USP44: variants seen among roughly 807,000 people sequenced by gnomAD.
USP44 encodes ubiquitin carboxyl-terminal hydrolase 44.
In USP44, 61 loss-of-function variants were observed where a neutral mutation model predicts 69.0. The ratio of observed to expected loss-of-function variants is 0.88; its 90% CI spans 0.72 to 1.09. USP44 has a LOEUF of 1.09. Among genes scored for constraint, USP44 ranks in the 50% least tolerant of loss-of-function variants. The pLI is 0.00. For missense variants in USP44, 753 were observed against 849.9 expected (o/e 0.89, Z 1.42); for synonymous variants, 297 against 295.4 (o/e 1.01, Z -0.06).
rs139376259 is a variant in USP44, at chr12:95,530,004, G to A, written c.1429-1002C>T. On this transcript the variant is annotated intron_variant, in intron 2 of 5. Transcript: ENST00000258499. Reference sequence around the variant, plus strand: ...ACATAGGCAATGTAGCAACCGGAAAGGAAATGAATAGTAACTTCAGTGAAA... The same window carrying A: ...ACATAGGCAATGTAGCAACCGGAAAAGAAATGAATAGTAACTTCAGTGAAA... 2.0e-5 allele frequency among the ~76,000 whole-genome samples: 3 copies of A among 152,244 alleles called. No homozygotes were observed. In the East Asian group the frequency reaches 5.8e-4, roughly 29 times the overall value.
intron 1 of USP44, among the ~76,000 whole-genome samples, chr12:95,536,024 CTTTCCTTTTT>C (rs1282474776): frequency 7.5e-6 from 1 of 133,746 alleles, no homozygotes; most frequent in Admixed American, 7.4e-5. Flanking sequence ...ATGTTTCTTT[CTTTCCTTTTT>C]TTTCCTTTTT....
intron 3 of USP44, among the ~76,000 whole-genome samples, chr12:95,526,284 C>A (rs1439330949): frequency 1.3e-5 from 2 of 152,094 alleles, no homozygotes; most frequent in Non-Finnish European, 2.9e-5. Context: ...TTTAAAAAAA[C>A]CTTATAGGCC....
chr12:95,527,537 T>C (rs1338598762), intron 3 of USP44, among the ~76,000 whole-genome samples: 1 of 152,110 alleles, frequency 6.6e-6, no homozygotes, highest in African/African-American at 2.4e-5. Context: ...CAGGAAGGAG[T>C]GCAGTGGCAC....
intron 3 of USP44, 96 bp downstream of exon 3, chr12:95,528,711 T>C: frequency 7.5e-7 from 1 of 1,337,494 alleles, no homozygotes; most frequent in Non-Finnish European, 1.0e-6. Context: ...AAAAGTTCAT[T>C]TTCATAACTG....
Position 95,518,186 on chromosome 12 carries a change from C to T in USP44, c.2107G>A (p.Ala703Thr), listed in dbSNP as rs374988007. ...LLGSQHPNED[A>T]DTSSNEILS ...AGGATTTCATTAGACGAGGTATCAG[C>T]GTCTTCATTGGGATGTTGGCTCCCC... Residue 703 changes from alanine (A) to threonine (T), a missense_variant, in exon 6 of 6, where the codon GCT becomes ACT. Transcript: ENST00000258499. The T allele has an allele frequency of 2.5e-5, 41 of 1,614,148 alleles. No homozygotes were observed. The highest frequency in any genetic ancestry group is 3.3e-4 in the Middle Eastern group (2 of 6,062).
chr12:95,518,322 T>C lies in USP44; in HGVS notation c.1971A>G (p.Leu657=). The part of the protein sequence containing the change: ...GFWVHCNDSK[L]SMCTMDEVCK... ...ATACTTCATCCATAGTGCACATGCTTAGTTTGGAATCATTGCAGTGTACCC... is the reference window on the plus strand; with the variant it reads ...ATACTTCATCCATAGTGCACATGCTCAGTTTGGAATCATTGCAGTGTACCC... Residue 657 remains leucine, a synonymous_variant, in exon 6 of 6, where the codon CTA becomes CTG. Transcript: ENST00000258499. The C allele has an allele frequency of 6.2e-7, 1 of 1,614,198 alleles. No homozygotes were observed. The highest frequency in any genetic ancestry group is 8.5e-7 in the Non-Finnish European group (1 of 1,180,032).
chr12:95,551,413 C>T lies in USP44; in HGVS notation c.-212G>A, dbSNP rs1318381517. 6.6e-6 allele frequency: 1 copy of T among 152,640 alleles called. No individual in the cohort carries two copies. The highest frequency in any genetic ancestry group is 1.5e-5 in the Non-Finnish European group (1 of 68,086). 9.5% of individuals were successfully genotyped at this position (152,640 alleles called of 1,614,324 possible). A position where few individuals can be genotyped will look rare whatever the true frequency, so the allele number is the denominator to read the frequency against. ...GTCCTGGCGGCTGCCTCCAGTGCCC[C>T]CCTGCAAATCATTACAAATCAACCT... On this transcript the variant is annotated 5_prime_UTR_variant, in exon 1 of 6. Coordinates refer to ENST00000258499, the MANE Select transcript of USP44 (RefSeq NM_032147.5).
intron 1 of USP44, among the ~76,000 whole-genome samples, chr12:95,535,789 C>T (rs1270304448): frequency 2.6e-5 from 4 of 152,016 alleles, no homozygotes; most frequent in Admixed American, 6.6e-5. Flanking sequence ...GACCTAGTTA[C>T]GGAACACTAA....
intron 1 of USP44, among the ~76,000 whole-genome samples, chr12:95,549,441 G>A (rs1395335458): frequency 2.0e-5 from 3 of 152,152 alleles, no homozygotes; most frequent in Admixed American, 1.3e-4. Context: ...AAAGGAAAAG[G>A]AGGGGAAATC....
Position 95,528,846 on chromosome 12 carries a change from C to A in USP44, c.1585G>T (p.Ala529Ser). 2 of 1,614,030 alleles carry A rather than the reference C, an allele frequency of 1.2e-6. No homozygotes were observed. The highest frequency in any genetic ancestry group is 1.7e-6 in the Non-Finnish European group (2 of 1,179,990). The change falls in exon 3 of 6, where the codon GCT becomes TCT. Residue 529 changes from alanine (A) to serine (S), a missense_variant. Physicochemically the swap from Ala to Ser is moderately conservative, Grantham distance 99. Coordinates refer to ENST00000258499, the MANE Select transcript of USP44 (RefSeq NM_032147.5). The stretch of plus-strand genomic sequence containing the variant: ...CATACGTAGATTTTTCCTTCTAAAG[C>A]TTCAGTTTCTGTAAATTTGGCCAAC... ...EMLAKFTETE[A>S]LEGKIYVCDQ...
intron 1 of USP44, among the ~76,000 whole-genome samples, chr12:95,536,511 A>C (rs1265848651): frequency 6.6e-6 from 1 of 152,106 alleles, no homozygotes; most frequent in Non-Finnish European, 1.5e-5. Flanking sequence ...CCACTATCCC[A>C]TATCTTTCTG....
chr12:95,531,304 A>G (rs1238921101), intron 2 of USP44, among the ~76,000 whole-genome samples: 2 of 152,216 alleles, frequency 1.3e-5, no homozygotes, highest in African/African-American at 4.8e-5. Context: ...GAAAATAATT[A>G]CAATATTAAA....
At chr12:95,521,719 G>A (rs543799993) in intron 4 of USP44, among the ~76,000 whole-genome samples, 1 of 152,214 alleles carries the variant, frequency 6.6e-6, no homozygotes, top group African/African-American at 2.4e-5. Context: ...ACTCCTGACT[G>A]CAAGTGATCC....
chr12:95,535,831 A>C (rs2077180211), intron 1 of USP44, among the ~76,000 whole-genome samples: 1 of 152,088 alleles, frequency 6.6e-6, no homozygotes, highest in Non-Finnish European at 1.5e-5. Flanking sequence ...CAAGGCATTA[A>C]ATTTTTAGGG....
In USP44 at chr12:95,533,412, C is replaced by A. The variant is rs769361498; in HGVS notation, c.845G>T (p.Cys282Phe). 61 of 1,613,680 alleles carry A rather than the reference C, an allele frequency of 3.8e-5. No homozygotes were observed. The highest frequency in any genetic ancestry group is 5.1e-5 in the Non-Finnish European group (60 of 1,179,804). Reference sequence around the variant, plus strand: ...CACCTGAAGAACAGAATTCATATAGCAAGTATTTCCCAAATTTCTCAATCC... The same window carrying A: ...CACCTGAAGAACAGAATTCATATAGAAAGTATTTCCCAAATTTCTCAATCC... ...VTGLRNLGNT[C>F]YMNSVLQVLS... Residue 282 changes from cysteine (C) to phenylalanine (F), a missense_variant, in exon 2 of 6, where the codon TGC (cysteine) becomes TTC (phenylalanine). Transcript: ENST00000258499.
intron 1 of USP44, among the ~76,000 whole-genome samples, chr12:95,537,381 C>T (rs2077240796): frequency 6.6e-6 from 1 of 152,066 alleles, no homozygotes; most frequent in African/African-American, 2.4e-5. Flanking sequence ...TGCAGGGGTG[C>T]TATCTTAGCT....
At chr12:95,539,371 G>A (rs752846018) in intron 1 of USP44, among the ~76,000 whole-genome samples, 73 of 151,792 alleles carry the variant, frequency 4.8e-4, no homozygotes, top group Non-Finnish European at 8.2e-4. Context: ...GACTACAGGC[G>A]CCTGCCACCA....
intron 1 of USP44, among the ~76,000 whole-genome samples, chr12:95,535,122 T>C (rs1453942026): frequency 3.3e-5 from 5 of 152,204 alleles, no homozygotes; most frequent in Non-Finnish European, 7.3e-5. Context: ...AGGTTTGAAT[T>C]GTACCTTTGC....
chr12:95,545,048 GACTA>G (rs1170297827), intron 1 of USP44, among the ~76,000 whole-genome samples: 22 of 152,078 alleles, frequency 1.4e-4, no homozygotes, highest in African/African-American at 4.6e-4. Context: ...TCTCATGTAT[GACTA>G]ACTACTTCCC....
Sources: allele counts gnomAD v4.1 joint callset (sites outside exome capture counted in the v4.1 genomes callset), GRCh38; gene constraint gnomAD v4.1.1; transcripts MANE v1.5; gene names NCBI Gene and HGNC (gene_info 2026-07-23, HGNC 2026-07-21).